ULK4: variants seen among roughly 807,000 people sequenced by gnomAD.
ULK4 encodes the protein unc-51 like kinase 4, also known as inactive serine/threonine-protein kinase ULK4.
Under a neutral mutation model 160.6 loss-of-function variants are expected in ULK4, and 133 were observed. The ratio of observed to expected loss-of-function variants is 0.83; its 90% CI spans 0.72 to 0.96. ULK4 has a LOEUF of 0.96. Ranked by LOEUF, ULK4 falls within the 40% of genes least tolerant of loss-of-function variation. The pLI is 0.00. For missense variants in ULK4, 1,580 were observed against 1,499.5 expected (o/e 1.05, Z -0.89); for synonymous variants, 534 against 539.8 (o/e 0.99, Z 0.15).
chr3:41,788,111 TG>T (rs2040048596), intron 21 of ULK4, among the ~76,000 whole-genome samples: 1 of 152,226 alleles, frequency 6.6e-6, no homozygotes. Context: ...AAAAAAATAC[TG>T]TCTCTGAGGC....
In ULK4 at chr3:41,900,732, T is replaced by C. The variant is rs375005768; in HGVS notation, c.1280A>G (p.Asn427Ser). Residue 427 changes from asparagine to serine, a missense_variant, in exon 13 of 37, where the codon AAT becomes AGT. Transcript: ENST00000301831. ...SDLVVTPIID[N>S]PKIMKQPPVK... ...TAGAGTGTCTTTCTGCACCTTTGGATTGTCGATAATGGGGGTGACAACAAG... is the reference window on the plus strand; with the variant it reads ...TAGAGTGTCTTTCTGCACCTTTGGACTGTCGATAATGGGGGTGACAACAAG... 6.2e-6 allele frequency: 10 copies of C among 1,613,020 alleles called. No homozygotes were observed. The highest frequency in any genetic ancestry group is 4.5e-5 in the East Asian group (2 of 44,866).
At chr3:41,564,204 G>T (rs1001275471) in intron 32 of ULK4, among the ~76,000 whole-genome samples, 14 of 152,148 alleles carry the variant, frequency 9.2e-5, no homozygotes, top group East Asian at 3.9e-4. Flanking sequence ...CTGCAGAACA[G>T]CAAATAATGC....
chr3:41,291,829 CTTT>C (rs57691333), intron 35 of ULK4, among the ~76,000 whole-genome samples: 3 of 133,432 alleles, frequency 2.2e-5, no homozygotes, highest in African/African-American at 2.9e-5. Context: ...TTGTGATGTT[CTTT>C]TTTTTTTTTT....
intron 32 of ULK4, among the ~76,000 whole-genome samples, chr3:41,506,768 ATATATATATATATATAT>A (rs2085397608): frequency 4.5e-5 from 3 of 66,760 alleles, no homozygotes; most frequent in African/African-American, 2.6e-4. Flanking sequence ...GTGATTTAAA[ATATATATATATATATAT>A]ATATATATAT....
At chr3:41,443,418 T>A (rs1474549617) in intron 34 of ULK4, among the ~76,000 whole-genome samples, 1 of 152,244 alleles carries the variant, frequency 6.6e-6, no homozygotes, top group Non-Finnish European at 1.5e-5. Context: ...CTTTGCTGCC[T>A]GTGCATAAAA....
intron 5 of ULK4, among the ~76,000 whole-genome samples, chr3:41,928,007 AT>A (rs1202915978): frequency 6.6e-6 from 1 of 152,190 alleles, no homozygotes; most frequent in Non-Finnish European, 1.5e-5. Flanking sequence ...AGCAGACCTA[AT>A]AGACATCTAC....
chr3:41,858,003 G>A (rs1361676414), intron 17 of ULK4, among the ~76,000 whole-genome samples: 1 of 151,466 alleles, frequency 6.6e-6, no homozygotes. Flanking sequence ...TTTTAGATTT[G>A]GTTTCCCTTG....
intron 17 of ULK4, among the ~76,000 whole-genome samples, chr3:41,861,221 T>C (rs569528251): frequency 6.6e-6 from 1 of 152,358 alleles, no homozygotes; most frequent in East Asian, 1.9e-4. Flanking sequence ...TGTTTTTCTG[T>C]GTACTTAAAA....
At chr3:41,282,598 T>C (rs1468327358) in intron 35 of ULK4, among the ~76,000 whole-genome samples, 1 of 152,236 alleles carries the variant, frequency 6.6e-6, no homozygotes, top group Non-Finnish European at 1.5e-5. Context: ...GCTAGCCATA[T>C]GTAGAAAGCT....
intron 31 of ULK4, 103 bp from the exon 32 acceptor site, chr3:41,566,233 G>A: frequency 2.2e-6 from 2 of 930,044 alleles, no homozygotes; most frequent in Non-Finnish European, 3.3e-6. Context: ...CTTTGCACAA[G>A]GTTAAATGAT....
rs747206505 is a variant in ULK4 at position 41,916,004 on chromosome 3, C to A, written c.776G>T (p.Gly259Val). The A allele has an allele frequency of 3.1e-6, 5 of 1,588,486 alleles. No individual in the cohort carries two copies. In the South Asian group the frequency reaches 5.9e-5, roughly 19 times the overall value. ...ASSDFINLLD[G>V]LLQRDPQKRL... Reference sequence around the variant, plus strand: ...TTTCTGAGGATCTCTTTGAAGTAACCCATCAAGCAAATTAATAAAATCTGA... The same window carrying A: ...TTTCTGAGGATCTCTTTGAAGTAACACATCAAGCAAATTAATAAAATCTGA... The change falls in exon 8 of 37, where the codon GGG (glycine) becomes GTG (valine). Residue 259 changes from glycine (G) to valine (V), a missense_variant. Physicochemically the swap from Gly to Val is moderately radical, Grantham distance 109. Coordinates refer to ENST00000301831, the MANE Select transcript of ULK4 (RefSeq NM_017886.4).
At chr3:41,509,981 G>A (rs1256398) in intron 32 of ULK4, among the ~76,000 whole-genome samples, 127,831 of 152,174 alleles carry the variant, frequency 0.84, 54,999 homozygotes, top group Non-Finnish European at 0.94. Context: ...TCACATCTCA[G>A]TACTAACGTT....
chr3:41,849,866 GGTTT>G (rs1389872428), intron 17 of ULK4, among the ~76,000 whole-genome samples: 1 of 152,118 alleles, frequency 6.6e-6, no homozygotes, highest in Non-Finnish European at 1.5e-5. Flanking sequence ...ACAACGTGCA[GGTTT>G]GTTACATATG....
chr3:41,646,085 T>A (rs941133064), intron 30 of ULK4, among the ~76,000 whole-genome samples: 6 of 152,218 alleles, frequency 3.9e-5, no homozygotes, highest in Non-Finnish European at 7.3e-5. Flanking sequence ...CCTATGTGTG[T>A]CTCTGCACAT....
chr3:41,875,504 C>T (rs912839488), intron 17 of ULK4, among the ~76,000 whole-genome samples: 7 of 152,162 alleles, frequency 4.6e-5, no homozygotes, highest in African/African-American at 1.7e-4. Flanking sequence ...TGGTGGCATG[C>T]ACCTCTAGTA....
chr3:41,513,853 G>A (rs528242793), intron 32 of ULK4, among the ~76,000 whole-genome samples: 77 of 152,200 alleles, frequency 5.1e-4, no homozygotes, highest in African/African-American at 1.6e-3. Flanking sequence ...ACTACACACC[G>A]GGTACAGTGC....
intron 20 of ULK4, among the ~76,000 whole-genome samples, chr3:41,798,252 C>T (rs1013316650): frequency 9.9e-5 from 15 of 151,736 alleles, no homozygotes; most frequent in African/African-American, 2.9e-4. Flanking sequence ...TAAAGTAAGC[C>T]CAATTAAAAC....
chr3:41,463,748 C>G (rs1351484420), intron 32 of ULK4, among the ~76,000 whole-genome samples: 1 of 152,122 alleles, frequency 6.6e-6, no homozygotes, highest in Non-Finnish European at 1.5e-5. Context: ...GGTGCCATCC[C>G]TTTGTCTCTG....
At chr3:41,892,204 C>T (rs1277756700) in intron 16 of ULK4, among the ~76,000 whole-genome samples, 3 of 152,112 alleles carry the variant, frequency 2.0e-5, no homozygotes, top group African/African-American at 7.2e-5. Context: ...TACAACTCAA[C>T]AACATAAAAC....
Sources: gnomAD v4.1 joint callset for allele counts (sites outside exome capture counted in the v4.1 genomes callset) on GRCh38, gnomAD v4.1.1 for gene constraint, MANE v1.5 for transcripts, NCBI Gene and HGNC (gene_info 2026-07-23, HGNC 2026-07-21) for gene names.